GUCY1A2: variants seen among roughly 807,000 people sequenced by gnomAD.
GUCY1A2 encodes the protein guanylate cyclase 1 soluble subunit alpha 2, also known as guanylate cyclase soluble subunit alpha-2.
In GUCY1A2, 27 loss-of-function variants were observed where a neutral mutation model predicts 63.5. The ratio of observed to expected loss-of-function variants is 0.43; its 90% CI spans 0.31 to 0.59. The LOEUF (loss-of-function observed/expected upper bound fraction) is 0.59. Among genes scored for constraint, GUCY1A2 ranks in the 20% least tolerant of loss-of-function variants. The pLI, the probability that GUCY1A2 is intolerant of heterozygous loss-of-function variation, is 0.11. For synonymous variants in GUCY1A2, 364 were observed against 343.5 expected, an observed-to-expected ratio of 1.06 and a Z score of -0.66; for missense variants, 768 against 913.3, an observed-to-expected ratio of 0.84 and a Z score of 2.05.
chr11:106,812,411 T>C (rs1231206105), intron 4 of GUCY1A2, among the ~76,000 whole-genome samples: 1 of 151,720 alleles, frequency 6.6e-6, no homozygotes, highest in Non-Finnish European at 1.5e-5. Flanking sequence ...CTCTCTTTAT[T>C]TGGTGTTTGT....
chr11:106,711,807 A>G (rs1031121641), intron 6 of GUCY1A2, among the ~76,000 whole-genome samples: 1 of 152,134 alleles, frequency 6.6e-6, no homozygotes. Flanking sequence ...CTTTCACTGC[A>G]TATTGAATTC....
At chr11:106,820,352 C>T (rs1312273303) in intron 4 of GUCY1A2, among the ~76,000 whole-genome samples, 1 of 152,100 alleles carries the variant, frequency 6.6e-6, no homozygotes, top group Non-Finnish European at 1.5e-5. Context: ...TCAGCACACG[C>T]TACCTTGATT....
chr11:106,892,209 C>T (rs1859984068), intron 4 of GUCY1A2, among the ~76,000 whole-genome samples: 1 of 151,890 alleles, frequency 6.6e-6, no homozygotes, highest in Non-Finnish European at 1.5e-5. Flanking sequence ...TTTATTGTTG[C>T]TTATTCCATT....
At chr11:106,740,648 C>CTGTA (rs6144494) in intron 6 of GUCY1A2, among the ~76,000 whole-genome samples, 29,458 of 148,648 alleles carry the variant, frequency 0.2, 3,089 homozygotes, top group East Asian at 0.32. Flanking sequence ...GACCATATCA[C>CTGTA]TGTATGTATG....
chr11:106,760,346 A>AGTT (rs150928111), intron 6 of GUCY1A2, among the ~76,000 whole-genome samples: 16,276 of 152,158 alleles, frequency 0.11, 1,016 homozygotes, highest in African/African-American at 0.18. Context: ...AGACATTTGG[A>AGTT]GTTGAGATTA....
At chr11:106,933,338 T>TA (rs368366262) in intron 4 of GUCY1A2, among the ~76,000 whole-genome samples, 1 of 151,692 alleles carries the variant, frequency 6.6e-6, no homozygotes, top group African/African-American at 2.4e-5. Context: ...ACCAAACATA[T>TA]AAAAAAATAC....
At chr11:106,914,836 CAT>C (rs1860347594) in intron 4 of GUCY1A2, among the ~76,000 whole-genome samples, 1 of 151,988 alleles carries the variant, frequency 6.6e-6, no homozygotes, top group African/African-American at 2.4e-5. Context: ...TCAGCTCTAA[CAT>C]GTGAAGACCT....
intron 7 of GUCY1A2, among the ~76,000 whole-genome samples, chr11:106,707,426 G>T (rs1862935811): frequency 6.6e-6 from 1 of 151,620 alleles, no homozygotes; most frequent in African/African-American, 2.4e-5. Context: ...AAAATCAATG[G>T]CCACTATTCC....
chr11:106,914,051 G>A (rs531149010), intron 4 of GUCY1A2, among the ~76,000 whole-genome samples: 31 of 151,406 alleles, frequency 2.0e-4, no homozygotes, highest in Non-Finnish European at 3.5e-4. Flanking sequence ...AGGGAGGCAG[G>A]GAGGGAAGGA....
chr11:106,914,866 T>A (rs1860348130), intron 4 of GUCY1A2, among the ~76,000 whole-genome samples: 1 of 152,054 alleles, frequency 6.6e-6, no homozygotes. Flanking sequence ...TGTCACTCCA[T>A]CTTCCAACAA....
intron 1 of GUCY1A2, among the ~76,000 whole-genome samples, chr11:107,014,471 T>A (rs574016501): frequency 5.3e-5 from 8 of 152,318 alleles, no homozygotes; most frequent in African/African-American, 1.7e-4. Flanking sequence ...TCCAGAGATA[T>A]GTAAGTTTCT....
chr11:106,831,468 G>T (rs1859050377), intron 4 of GUCY1A2, among the ~76,000 whole-genome samples: 1 of 152,156 alleles, frequency 6.6e-6, no homozygotes, highest in Non-Finnish European at 1.5e-5. Context: ...AAGAAAAATT[G>T]CATACTTAGA....
rs920322149 is a variant in GUCY1A2 at position 106,686,873 on chromosome 11, G to T, written c.*676C>A. 5.1e-6 allele frequency: 1 copy of T among 195,986 alleles called. No individual in the cohort carries two copies. Among genetic ancestry groups the T allele is most frequent in the African/African-American group, 2.3e-5 (1 of 43,252 alleles). 12.1% of individuals were successfully genotyped at this position (195,986 alleles called of 1,614,324 possible). On this transcript the variant is annotated 3_prime_UTR_variant, in exon 8 of 8. Transcript: ENST00000526355. ...AAATCCTTGGTTATATGTATTCTCA[G>T]TCGAAGCACTGATCTCTCTAAATAA...
intron 4 of GUCY1A2, among the ~76,000 whole-genome samples, chr11:106,855,148 C>G (rs371865626): frequency 6.6e-6 from 1 of 152,046 alleles, no homozygotes; most frequent in Non-Finnish European, 1.5e-5. Flanking sequence ...GAGTGGGAGC[C>G]AGTGTGAGTT....
chr11:106,879,997 T>C (rs528079321), intron 4 of GUCY1A2, among the ~76,000 whole-genome samples: 2 of 152,144 alleles, frequency 1.3e-5, no homozygotes, highest in African/African-American at 4.8e-5. Flanking sequence ...ACCCTTAGAA[T>C]GACCCTGTAT....
At chr11:106,731,808 A>C (rs1863510656) in intron 6 of GUCY1A2, among the ~76,000 whole-genome samples, 1 of 152,148 alleles carries the variant, frequency 6.6e-6, no homozygotes, top group South Asian at 2.1e-4. Flanking sequence ...TAAATAAATA[A>C]ATAAACTACC....
Position 106,827,442 on chromosome 11 carries a change from C to A in GUCY1A2, c.1207-16964G>T. 2.8e-6 allele frequency: 4 copies of A among 1,446,580 alleles called. No individual in the cohort carries two copies. The South Asian group carries it at 3.4e-5, about 12-fold the overall frequency. 89.6% of individuals were successfully genotyped at this position (1,446,580 alleles called of 1,614,324 possible). A position where few individuals can be genotyped will look rare whatever the true frequency, so the allele number is the denominator to read the frequency against. On this transcript the variant is annotated intron_variant, in intron 4 of 7. Transcript: ENST00000526355. The stretch of plus-strand genomic sequence containing the variant: ...GTGCGATACCACCGTTCCCTAAGAT[C>A]ATTATTCTTTTAGCTTTAGTAAGCT...
chr11:106,731,018 A>C (rs1863494363), intron 6 of GUCY1A2, among the ~76,000 whole-genome samples: 1 of 151,604 alleles, frequency 6.6e-6, no homozygotes, highest in Non-Finnish European at 1.5e-5. Flanking sequence ...CAGATATTAG[A>C]CCTTATATTT....
At chr11:106,792,454 T>G (rs1864681660) in intron 5 of GUCY1A2, among the ~76,000 whole-genome samples, 1 of 151,204 alleles carries the variant, frequency 6.6e-6, no homozygotes, top group South Asian at 2.1e-4. Flanking sequence ...GCAAGGTTAG[T>G]TCAACATACA....
Sources: gnomAD v4.1 joint callset for allele counts (sites outside exome capture counted in the v4.1 genomes callset) on GRCh38, gnomAD v4.1.1 for gene constraint, MANE v1.5 for transcripts, NCBI Gene and HGNC (gene_info 2026-07-23, HGNC 2026-07-21) for gene names.